The following NRG1 variants were observed in gnomAD, a reference collection of about 807,000 sequenced individuals.
The protein encoded by NRG1 is pro-neuregulin-1, membrane-bound isoform.
In NRG1, 18 loss-of-function variants were observed where a neutral mutation model predicts 63.8. That is an observed-to-expected ratio of 0.28 (90% CI 0.19 to 0.42). NRG1 has a LOEUF of 0.42. NRG1 is among the 10% of genes least tolerant of loss of function. The pLI is 1.00. For missense variants in NRG1, 762 were observed against 814.7 expected (o/e 0.94, Z 0.79); for synonymous variants, 302 against 301.3 (o/e 1.00, Z -0.02).
chr8:31,829,774 T>C (rs981963777), intron 1 of NRG1, among the ~76,000 whole-genome samples: 4 of 152,216 alleles, frequency 2.6e-5, no homozygotes, highest in Non-Finnish European at 4.4e-5. Flanking sequence ...TTGAAATGGC[T>C]GTTTTGTTTT....
In NRG1 at chr8:31,640,615, C is replaced by T. The variant is rs559080063; in HGVS notation, c.37+1184C>T. On this transcript the variant is annotated intron_variant, in intron 1 of 10. Transcript: ENST00000519301. This position sits in a 1 kb window ranked among gnomAD's most constrained non-coding sequence, Gnocchi z 6.3. ...CAGCAGGTACATCTTCTTCATGGAG[C>T]CCGACGCCAACAGCACCAGCCGCGC... 34 of 1,611,838 alleles carry T rather than the reference C, an allele frequency of 2.1e-5. No homozygotes were observed. The highest frequency in any genetic ancestry group is 2.7e-5 in the African/African-American group (2 of 74,966).
At chr8:32,332,197 T>C (rs996576337) in intron 1 of NRG1, among the ~76,000 whole-genome samples, 26 of 152,144 alleles carry the variant, frequency 1.7e-4, no homozygotes, top group African/African-American at 5.3e-4. Flanking sequence ...AGCCAATGTA[T>C]TGAGGTTTCA....
intron 1 of NRG1, among the ~76,000 whole-genome samples, chr8:31,865,021 G>A (rs1828824771): frequency 6.6e-6 from 1 of 152,104 alleles, no homozygotes; most frequent in South Asian, 2.1e-4. Context: ...CTTTGCTTTA[G>A]ATTTTCCCAT....
Position 31,688,029 on chromosome 8 carries a change from G to A in NRG1, c.37+48598G>A, listed in dbSNP as rs149846534. On this transcript the variant is annotated intron_variant, in intron 1 of 10. Transcript: ENST00000519301. ...TGATGGTGTTTCTCCTATGTCTGCT[G>A]CACTACATCAGTCATTGTCCCCTTA... is the stretch of plus-strand genomic sequence containing the variant. Among the ~76,000 whole-genome samples the A allele has an allele frequency of 5.9e-4, 90 of 152,308 alleles. 1 individual carries two copies. In the East Asian group the frequency reaches 0.015, roughly 26 times the overall value.
intron 1 of NRG1, among the ~76,000 whole-genome samples, chr8:32,269,430 G>T (rs533435586): frequency 6.6e-6 from 1 of 152,230 alleles, no homozygotes; most frequent in African/African-American, 2.4e-5. Flanking sequence ...TCCTGCCAAC[G>T]ATTCTTATTA....
chr8:32,367,640 A>G (rs1808250649), intron 1 of NRG1, among the ~76,000 whole-genome samples: 1 of 152,014 alleles, frequency 6.6e-6, no homozygotes, highest in Admixed American at 6.6e-5. Flanking sequence ...TCTCTTCACT[A>G]TGTTGATTGT....
At chr8:31,815,473 C>T (rs1823347472) in intron 1 of NRG1, among the ~76,000 whole-genome samples, 1 of 152,178 alleles carries the variant, frequency 6.6e-6, no homozygotes, top group Non-Finnish European at 1.5e-5. Context: ...AGATATACCA[C>T]ATTTTGCTTA....
intron 1 of NRG1, among the ~76,000 whole-genome samples, chr8:31,938,373 A>G (rs1490838280): frequency 6.6e-6 from 1 of 152,168 alleles, no homozygotes; most frequent in Non-Finnish European, 1.5e-5. Context: ...CACCACATCA[A>G]GGGGGCACCT....
chr8:31,953,084 CA>C (rs1428585497), intron 1 of NRG1, among the ~76,000 whole-genome samples: 7 of 151,810 alleles, frequency 4.6e-5, no homozygotes, highest in African/African-American at 1.7e-4. Context: ...AAGTGAGCCC[CA>C]AACTCAGTAA....
chr8:31,912,431 C>G (rs1407920608), intron 1 of NRG1, among the ~76,000 whole-genome samples: 1 of 151,876 alleles, frequency 6.6e-6, no homozygotes, highest in Admixed American at 6.6e-5. Context: ...AGCAGCTGCT[C>G]TCAGGGTAAA....
intron 1 of NRG1, among the ~76,000 whole-genome samples, chr8:31,980,698 C>T (rs1430543129): frequency 6.6e-6 from 1 of 151,928 alleles, no homozygotes; most frequent in Non-Finnish European, 1.5e-5. Context: ...TAATTATTTC[C>T]AATCAATCTC....
intron 1 of NRG1, among the ~76,000 whole-genome samples, chr8:32,409,116 C>T (rs1814524007): frequency 6.6e-6 from 1 of 152,106 alleles, no homozygotes. Flanking sequence ...ATATACGTTA[C>T]ATTTTCTTGA....
At chr8:31,962,750 A>G (rs976589736) in intron 1 of NRG1, among the ~76,000 whole-genome samples, 45 of 152,200 alleles carry the variant, frequency 3.0e-4, no homozygotes, top group Non-Finnish European at 4.6e-4. Flanking sequence ...GTATAAGCCT[A>G]GAGTTGCCTG....
At chr8:32,192,303 C>G (rs902025663) in intron 1 of NRG1, 2 of 152,516 alleles carry the variant, frequency 1.3e-5, no homozygotes, top group Non-Finnish European at 2.9e-5. Context: ...ACATGCTCAT[C>G]ATAGCACTAT....
At chr8:32,556,064 C>T (rs1343653166) in intron 1 of NRG1, among the ~76,000 whole-genome samples, 4 of 152,174 alleles carry the variant, frequency 2.6e-5, no homozygotes, top group African/African-American at 9.7e-5. Flanking sequence ...ATATGAGAGT[C>T]ACAGAATGTT....
intron 1 of NRG1, among the ~76,000 whole-genome samples, chr8:31,727,569 A>G (rs1390414267): frequency 1.3e-5 from 2 of 152,120 alleles, no homozygotes; most frequent in East Asian, 3.9e-4. Context: ...CAATTCTTCA[A>G]ATGTATAGGT....
intron 1 of NRG1, among the ~76,000 whole-genome samples, chr8:31,890,473 A>G (rs28577249): frequency 0.039 from 5,984 of 152,244 alleles, 420 homozygotes; most frequent in African/African-American, 0.14. Flanking sequence ...GACAAAGAGA[A>G]TCCGTTTAGG....
intron 1 of NRG1, among the ~76,000 whole-genome samples, chr8:31,775,146 A>C (rs1458154075): frequency 6.6e-6 from 1 of 152,242 alleles, no homozygotes; most frequent in African/African-American, 2.4e-5. Context: ...CTGTACTCAT[A>C]TATTTATCAC....
At chr8:31,810,358 T>C (rs1229609693) in intron 1 of NRG1, among the ~76,000 whole-genome samples, 2 of 152,118 alleles carry the variant, frequency 1.3e-5, no homozygotes, top group African/African-American at 4.8e-5. Context: ...ACAACAACAA[T>C]AACACCCCTT....
Sources: gnomAD v4.1 joint callset for allele counts (sites outside exome capture counted in the v4.1 genomes callset) on GRCh38, gnomAD v4.1.1 for gene constraint, Gnocchi (gnomAD v3.1) non-coding constraint, MANE v1.5 for transcripts, NCBI Gene and HGNC (gene_info 2026-07-23, HGNC 2026-07-21) for gene names.